Variants in PSMD5 observed in about 807,000 individuals in gnomAD.
The protein encoded by PSMD5 is proteasome 26S subunit, non-ATPase 5, also known as 26S proteasome non-ATPase regulatory subunit 5.
Under a neutral mutation model 52.1 loss-of-function variants are expected in PSMD5, and 40 were observed. The ratio of observed to expected loss-of-function variants is 0.77; its 90% confidence interval spans 0.60 to 1.00. The LOEUF is 1.00. PSMD5 is among the 50% of genes least tolerant of loss of function. PSMD5 has a pLI of 0.00. For missense variants in PSMD5, 575 were observed against 605.2 expected (o/e 0.95, Z 0.52); for synonymous variants, 211 against 226.6 (o/e 0.93, Z 0.62).
chr9:120,818,230 A>G (rs1259013184), intron 9 of PSMD5, 67 bp from the exon 10 acceptor site: 2 of 1,460,402 alleles, frequency 1.4e-6, no homozygotes, highest in Non-Finnish European at 1.8e-6. Flanking sequence ...GGATGGCACA[A>G]TATTTACAAA....
At chr9:120,840,271 G>A (rs995465310) in intron 1 of PSMD5, among the ~76,000 whole-genome samples, 3 of 149,936 alleles carry the variant, frequency 2.0e-5, no homozygotes, top group East Asian at 2.0e-4. Flanking sequence ...CTATAGGCAC[G>A]CACGCCCAGT....
intron 2 of PSMD5, 71 bp from the exon 3 acceptor site, chr9:120,832,016 T>G: frequency 6.4e-7 from 1 of 1,551,308 alleles, no homozygotes; most frequent in African/African-American, 1.4e-5. Flanking sequence ...ATGGTCCAAT[T>G]TCCTTAGTGC....
At chr9:120,833,244 T>C in intron 2 of PSMD5, 68 bp downstream of exon 2, 2 of 1,512,432 alleles carry the variant, frequency 1.3e-6, no homozygotes, top group South Asian at 2.3e-5. Context: ...TTTCTTCATC[T>C]TTCTGTCCCA....
chr9:120,826,931 CAAG>C (rs771706523), intron 5 of PSMD5, 24 bp from the exon 6 acceptor site: 32 of 1,598,574 alleles, frequency 2.0e-5, no homozygotes, highest in African/African-American at 2.7e-5. Flanking sequence ...AGGACAAAAA[CAAG>C]GAGATTTTGC....
intron 3 of PSMD5, 92 bp from the exon 4 acceptor site, chr9:120,831,551 CCTTGCCCA>C: frequency 7.1e-7 from 1 of 1,405,782 alleles, no homozygotes; most frequent in Non-Finnish European, 9.5e-7. Flanking sequence ...ATGGAATGCA[CCTTGCCCA>C]TGTTTTAGCT....
At chr9:120,832,705 G>C (rs1322154849) in intron 2 of PSMD5, among the ~76,000 whole-genome samples, 1 of 152,096 alleles carries the variant, frequency 6.6e-6, no homozygotes, top group Non-Finnish European at 1.5e-5. Flanking sequence ...GCCCTTTTTT[G>C]CTGAATAAAC....
chr9:120,819,395 T>C (rs910154336), intron 9 of PSMD5, among the ~76,000 whole-genome samples: 11 of 152,172 alleles, frequency 7.2e-5, no homozygotes, highest in Admixed American at 2.0e-4. Flanking sequence ...AACCAGTAAA[T>C]AGAAAATTAT....
Position 120,817,744 on chromosome 9 carries a change from T to C in PSMD5, c.*162A>G. On this transcript the variant is annotated 3_prime_UTR_variant, in exon 10 of 10. Coordinates refer to ENST00000210313, the MANE Select transcript of PSMD5 (RefSeq NM_005047.4). ...TCCAAACTCCTAGTTCCACTTTGCATTTCAATGTAGAAATATAACAGTGTT... is the reference window on the plus strand; with the variant it reads ...TCCAAACTCCTAGTTCCACTTTGCACTTCAATGTAGAAATATAACAGTGTT... 4 of 838,996 alleles carry C rather than the reference T, an allele frequency of 4.8e-6. No individual in the cohort carries two copies. The highest frequency in any genetic ancestry group is 7.2e-6 in the Non-Finnish European group (4 of 554,308). The allele number at this position is 838,996 out of a possible 1,614,324, so 52.0% of individuals were successfully genotyped here. A position where few individuals can be genotyped will look rare whatever the true frequency, so the allele number is the denominator to read the frequency against.
chr9:120,827,340 G>A (rs2045129582), intron 5 of PSMD5, among the ~76,000 whole-genome samples: 1 of 152,042 alleles, frequency 6.6e-6, no homozygotes, highest in Non-Finnish European at 1.5e-5. Flanking sequence ...CTATTTTAAA[G>A]CAAATCCTAG....
chr9:120,833,669 CTTCTT>C (rs1328025901), intron 1 of PSMD5, among the ~76,000 whole-genome samples: 5 of 139,958 alleles, frequency 3.6e-5, no homozygotes, highest in African/African-American at 1.1e-4. Flanking sequence ...GCACTCTAGT[CTTCTT>C]TTTTTTTTTT....
intron 6 of PSMD5, among the ~76,000 whole-genome samples, chr9:120,825,733 T>C (rs1360945399): frequency 6.6e-6 from 1 of 152,196 alleles, no homozygotes; most frequent in East Asian, 1.9e-4. Flanking sequence ...TGTTAGTGTA[T>C]AGAAATGCTA....
rs770094112 is a variant in PSMD5, at chr9:120,818,046, G to T, written c.1375C>A (p.Leu459Ile). 19 of 1,614,078 alleles carry T rather than the reference G, an allele frequency of 1.2e-5. No individual in the cohort carries two copies. Among genetic ancestry groups the T allele is most frequent in the Middle Eastern group, 1.6e-4 (1 of 6,084 alleles). ...DKASKDAKYE[L>I]VKALANSKTI... ...TTGGAATTGGCAAGTGCTTTCACTAGTTCATATTTGGCATCCTTTGAAGCT... is the reference window on the plus strand; with the variant it reads ...TTGGAATTGGCAAGTGCTTTCACTATTTCATATTTGGCATCCTTTGAAGCT... The change falls in exon 10 of 10, where the codon CTA (leucine) becomes ATA (isoleucine). Residue 459 changes from leucine to isoleucine, a missense_variant. Coordinates refer to ENST00000210313, the MANE Select transcript of PSMD5 (RefSeq NM_005047.4).
rs537981569 is a variant in PSMD5 at position 120,832,044 on chromosome 9, T to C, written c.319-99A>G. ...CTTAGTGCACAGTTATTTTAGGAGT[T>C]AGTGATCACAGCTATATATCAATTC... is the stretch of plus-strand genomic sequence containing the variant. On this transcript the variant is annotated intron_variant, in intron 2 of 9. Transcript: ENST00000210313. The C allele has an allele frequency of 9.3e-6, 14 of 1,500,368 alleles. 1 individual carries two copies. In the East Asian group the frequency reaches 2.1e-4, roughly 22 times the overall value. 92.9% of individuals were successfully genotyped at this position (1,500,368 alleles called of 1,614,324 possible). A position where few individuals can be genotyped will look rare whatever the true frequency, so the allele number is the denominator to read the frequency against.
At chr9:120,836,042 C>T (rs1332794620) in intron 1 of PSMD5, among the ~76,000 whole-genome samples, 1 of 152,182 alleles carries the variant, frequency 6.6e-6, no homozygotes, top group East Asian at 1.9e-4. Flanking sequence ...ACCACCATTC[C>T]ACTTTCTGTC....
rs1263218977 is a variant in PSMD5 at position 120,823,510 on chromosome 9, C to CTTTTTTTTTTTTTTTTT, written c.1006+967_1006+983dup. 2.7e-4 allele frequency among the ~76,000 whole-genome samples: 29 copies of CTTTTTTTTTTTTTTTTT among 108,664 alleles called. 1 individual carries two copies. The highest frequency in any genetic ancestry group is 9.9e-4 in the African/African-American group (28 of 28,188). 71.3% of individuals were successfully genotyped at this position (108,664 alleles called of 152,430 possible). A position where few individuals can be genotyped will look rare whatever the true frequency, so the allele number is the denominator to read the frequency against. ...AGGCATGAGCCACCATACCTGGCCT[C>CTTTTTTTTTTTTTTTTT]TTTTTTTTTTTTTTTTTTTGAGATA... is the stretch of plus-strand genomic sequence containing the variant. On this transcript the variant is annotated intron_variant, in intron 7 of 9. Transcript: ENST00000210313.
chr9:120,829,354 A>C (rs979430265), intron 4 of PSMD5, 146 bp from the exon 5 acceptor site: 5 of 954,820 alleles, frequency 5.2e-6, no homozygotes, highest in Non-Finnish European at 5.5e-6. Context: ...TAAGTAGAAA[A>C]ACTTCAGTGA....
At position 120,833,361 on chromosome 9, in the gene PSMD5, C is replaced by T. The variant is rs760696584; in HGVS notation, c.269G>A (p.Arg90Lys). Residue 90 changes from arginine to lysine, a missense_variant, in exon 2 of 10, where the codon AGG (arginine) becomes AAG (lysine). By Grantham distance (26) the Arg-to-Lys change is conservative. Coordinates refer to ENST00000210313, the MANE Select transcript of PSMD5 (RefSeq NM_005047.4). ...VARNLRVDLQ[R>K]GLIHPDDSVK... ...AGAATCATCAGGGTGAATTAGTCCC[C>T]TCTGCAGGTCAACCCTGAGGTTCCG... 2.5e-6 allele frequency: 4 copies of T among 1,613,994 alleles called. No homozygotes were observed. Among genetic ancestry groups the T allele is most frequent in the South Asian group, 2.2e-5 (2 of 91,074 alleles).
At position 120,824,562 on chromosome 9, in the gene PSMD5, C is replaced by T; in HGVS notation, c.938G>A (p.Gly313Asp). The T allele has an allele frequency of 6.2e-7, 1 of 1,614,194 alleles. No individual in the cohort carries two copies. The highest frequency in any genetic ancestry group is 8.5e-7 in the Non-Finnish European group (1 of 1,180,040). Residue 313 changes from glycine to aspartate, a missense_variant, in exon 7 of 10, where the codon GGT (glycine) becomes GAT (aspartate). Coordinates refer to ENST00000210313, the MANE Select transcript of PSMD5 (RefSeq NM_005047.4). ...GATTCCAACTGTGTCTACAGCTACA[C>T]CAATCATAGTGGGGTCCTGACTTTC... ...MIESQDPTMI[G>D]VAVDTVGILG...
Position 120,820,953 on chromosome 9 carries a change from C to T in PSMD5, c.1143G>A (p.Leu381=). The change falls in exon 9 of 10, where the codon CTG becomes CTA. Residue 381 remains leucine, a synonymous_variant. Coordinates refer to ENST00000210313, the MANE Select transcript of PSMD5 (RefSeq NM_005047.4). ...LPPEQQTDDL[L]RMTESWFSSL... ...AAGAAAACCAGGATTCTGTCATCCT[C>T]AGAAGGTCATCAGTCTGCTGCTCAG... is the stretch of plus-strand genomic sequence containing the variant. The T allele has an allele frequency of 1.3e-6, 2 of 1,598,110 alleles. No homozygotes were observed. Among genetic ancestry groups the T allele is most frequent in the Non-Finnish European group, 1.7e-6 (2 of 1,175,924 alleles).
Sources: gnomAD v4.1 joint callset for allele counts (sites outside exome capture counted in the v4.1 genomes callset) on GRCh38, gnomAD v4.1.1 for gene constraint, MANE v1.5 for transcripts, NCBI Gene and HGNC (gene_info 2026-07-23, HGNC 2026-07-21) for gene names.